SOX6: variants seen among roughly 807,000 people sequenced by gnomAD.
SOX6 encodes transcription factor SOX-6.
In SOX6, 11 loss-of-function variants were observed where a neutral mutation model predicts 97.8. The observed-to-expected ratio is 0.11, with a 90% confidence interval of 0.07 to 0.19. SOX6 has a LOEUF of 0.19. SOX6 is among the 10% of genes least tolerant of loss of function. The probability of loss-of-function intolerance (pLI) is 1.00; values close to 1 mark genes in which losing one functional copy is unlikely to be tolerated. For synonymous variants in SOX6, 360 were observed against 371.4 expected (o/e 0.97, Z 0.35); for missense variants, 810 against 1,039.5 (o/e 0.78, Z 3.04).
At chr11:16,129,621 G>A (rs1477510912) in intron 6 of SOX6, among the ~76,000 whole-genome samples, 1 of 152,122 alleles carries the variant, frequency 6.6e-6, no homozygotes, top group South Asian at 2.1e-4. Flanking sequence ...GGTTTATTGT[G>A]GGAACGCAAG....
chr11:16,712,302 T>C (rs1320945076), intron 3 of SOX6, among the ~76,000 whole-genome samples: 1 of 152,220 alleles, frequency 6.6e-6, no homozygotes, highest in Non-Finnish European at 1.5e-5. Context: ...GTTCTCCTTT[T>C]AGTTCTTTAA....
At chr11:16,294,078 C>T (rs1380510079) in intron 3 of SOX6, among the ~76,000 whole-genome samples, 1 of 151,766 alleles carries the variant, frequency 6.6e-6, no homozygotes, top group African/African-American at 2.4e-5. Context: ...GGTAAGCATG[C>T]TAATGGTTTG....
intron 1 of SOX6, among the ~76,000 whole-genome samples, chr11:16,457,819 C>T (rs761284223): frequency 6.6e-6 from 1 of 152,010 alleles, no homozygotes; most frequent in Non-Finnish European, 1.5e-5. Context: ...GCCCTTACAG[C>T]AATGGTTGAA....
intron 4 of SOX6, among the ~76,000 whole-genome samples, chr11:16,524,768 G>A (rs1298350566): frequency 6.6e-6 from 1 of 152,186 alleles, no homozygotes; most frequent in Non-Finnish European, 1.5e-5. Context: ...TAGCTGATAA[G>A]CAACTTCAGC....
intron 6 of SOX6, among the ~76,000 whole-genome samples, chr11:16,175,932 C>A (rs1851169587): frequency 1.3e-5 from 2 of 151,788 alleles, no homozygotes; most frequent in South Asian, 2.1e-4. Context: ...ATTGTTTAAA[C>A]CATGGTCCAT....
At chr11:16,548,219 A>G (rs1412609343) in intron 4 of SOX6, among the ~76,000 whole-genome samples, 3 of 152,182 alleles carry the variant, frequency 2.0e-5, no homozygotes, top group Non-Finnish European at 2.9e-5. Flanking sequence ...TCGACAAATA[A>G]ATGTTTAGAG....
At chr11:16,228,610 G>A (rs1852754592) in intron 4 of SOX6, among the ~76,000 whole-genome samples, 1 of 152,146 alleles carries the variant, frequency 6.6e-6, no homozygotes, top group African/African-American at 2.4e-5. Context: ...AACTGAAGTT[G>A]ATAATATTGT....
intron 4 of SOX6, among the ~76,000 whole-genome samples, chr11:16,543,474 T>C (rs1481510132): frequency 6.6e-6 from 1 of 151,814 alleles, no homozygotes; most frequent in African/African-American, 2.4e-5. Flanking sequence ...ACATGAAAAA[T>C]TTTGTGTATC....
chr11:16,436,573 T>G (rs1328260768), intron 1 of SOX6, among the ~76,000 whole-genome samples: 2 of 152,210 alleles, frequency 1.3e-5, no homozygotes, highest in Non-Finnish European at 2.9e-5. Flanking sequence ...CATGTACACC[T>G]AATTTTAAGT....
intron 4 of SOX6, among the ~76,000 whole-genome samples, chr11:16,492,238 A>T (rs1860524156): frequency 6.6e-6 from 1 of 152,228 alleles, no homozygotes; most frequent in Non-Finnish European, 1.5e-5. Flanking sequence ...GGTATCTACA[A>T]AATAGAAAAG....
At chr11:16,675,971 T>C (rs1847881286) in intron 3 of SOX6, among the ~76,000 whole-genome samples, 1 of 152,262 alleles carries the variant, frequency 6.6e-6, no homozygotes, top group African/African-American at 2.4e-5. Flanking sequence ...ATGTCTTTTG[T>C]CAAATTTCGA....
intron 2 of SOX6, among the ~76,000 whole-genome samples, chr11:16,338,332 C>T (rs942213051): frequency 6.6e-6 from 1 of 151,792 alleles, no homozygotes. Context: ...TTTATATTAG[C>T]AGAGTCCTCC....
chr11:16,428,085 G>T (rs186161620), intron 1 of SOX6, among the ~76,000 whole-genome samples: 1 of 152,332 alleles, frequency 6.6e-6, no homozygotes, highest in East Asian at 1.9e-4. Context: ...GGCCAGTGAT[G>T]ATGAGCATTT....
At chr11:16,363,864 C>T (rs554543568) in intron 1 of SOX6, among the ~76,000 whole-genome samples, 4 of 151,888 alleles carry the variant, frequency 2.6e-5, no homozygotes, top group Non-Finnish European at 5.9e-5. Context: ...GATGAGGGAA[C>T]TAACCAGATA....
intron 4 of SOX6, among the ~76,000 whole-genome samples, chr11:16,232,786 AAC>A (rs1852898805): frequency 1.3e-5 from 2 of 152,290 alleles, no homozygotes; most frequent in South Asian, 2.1e-4. Flanking sequence ...AAGGGAAGAA[AAC>A]ACAGAATGAC....
chr11:16,064,904 A>C (rs924553409), intron 9 of SOX6, among the ~76,000 whole-genome samples: 1 of 152,024 alleles, frequency 6.6e-6, no homozygotes, highest in Non-Finnish European at 1.5e-5. Context: ...ACACACAGCA[A>C]ATACCATACT....
chr11:16,505,238 G>C (rs1302310488), intron 4 of SOX6, among the ~76,000 whole-genome samples: 1 of 152,198 alleles, frequency 6.6e-6, no homozygotes, highest in Non-Finnish European at 1.5e-5. Context: ...GGTGGTCTCA[G>C]ATGGAGATGA....
intron 3 of SOX6, among the ~76,000 whole-genome samples, chr11:16,645,524 G>C (rs1238617490): frequency 6.6e-6 from 1 of 152,158 alleles, no homozygotes; most frequent in Admixed American, 6.5e-5. Flanking sequence ...TTGGAAACAG[G>C]GTGATTGCAG....
chr11:16,112,674 A>C (rs1262400008), intron 6 of SOX6, among the ~76,000 whole-genome samples: 1 of 152,192 alleles, frequency 6.6e-6, no homozygotes, highest in Non-Finnish European at 1.5e-5. Context: ...AAAATGCAAA[A>C]TAGAAAAATC....
Sources: allele counts gnomAD v4.1 joint callset (sites outside exome capture counted in the v4.1 genomes callset), GRCh38; gene constraint gnomAD v4.1.1; transcripts MANE v1.5; gene names NCBI Gene and HGNC (gene_info 2026-07-23, HGNC 2026-07-21).